The following GALNT13 variants were observed in gnomAD, a reference collection of about 807,000 sequenced individuals.
GALNT13 encodes polypeptide N-acetylgalactosaminyltransferase 13, also known as UDP-GalNAc:polypeptide N-acetylgalactosaminyltransferase 13.
In GALNT13, 28 loss-of-function variants were observed where a neutral mutation model predicts 64.2. The ratio of observed to expected loss-of-function variants is 0.44; its 90% CI spans 0.32 to 0.60. The LOEUF is 0.60. GALNT13 is among the 20% of genes least tolerant of loss of function. GALNT13 has a pLI of 0.05. For missense variants in GALNT13, 577 were observed against 669.8 expected (o/e 0.86, Z 1.53); for synonymous variants, 214 against 224.6 (o/e 0.95, Z 0.42).
the GALNT13 span, chr2:153,478,552 A>G: frequency 8.2e-6 from 13 of 1,587,358 alleles, no homozygotes; most frequent in South Asian, 1.1e-5. Context: ...CTGGTTGCCT[A>G]GGGCCGGATT....
At chr2:153,551,596 T>C in the GALNT13 span, among the ~76,000 whole-genome samples, 2 of 152,214 alleles carry the variant, frequency 1.3e-5, no homozygotes, top group African/African-American at 4.8e-5. Context: ...CTAACAATTC[T>C]TATTGATGAA....
chr2:153,082,351 C>T, the GALNT13 span, among the ~76,000 whole-genome samples: 1 of 151,630 alleles, frequency 6.6e-6, no homozygotes, highest in Non-Finnish European at 1.5e-5. Flanking sequence ...TTATATCACT[C>T]TTATGCCTTT....
chr2:153,591,746 G>A, the GALNT13 span, among the ~76,000 whole-genome samples: 11 of 151,884 alleles, frequency 7.2e-5, no homozygotes, highest in Non-Finnish European at 2.9e-5. Flanking sequence ...TAAACACAGG[G>A]AAAACTCTTC....
At chr2:153,268,225 G>T in the GALNT13 span, among the ~76,000 whole-genome samples, 3,868 of 152,306 alleles carry the variant, frequency 0.025, 163 homozygotes, top group African/African-American at 0.088. Context: ...ATGGTGGGGG[G>T]TGGCACAGGC....
intron 2 of GALNT13, among the ~76,000 whole-genome samples, chr2:153,902,163 G>T (rs567852992): frequency 1.3e-5 from 2 of 151,950 alleles, no homozygotes; most frequent in South Asian, 2.1e-4. Context: ...CATTTTATCT[G>T]GGGACATTTT....
chr2:153,221,507 A>G, the GALNT13 span, among the ~76,000 whole-genome samples: 14 of 152,310 alleles, frequency 9.2e-5, no homozygotes, highest in South Asian at 2.7e-3. Context: ...GAGGGTGATT[A>G]TGTCACAGGA....
At chr2:154,406,142 G>A (rs1699529345) in intron 10 of GALNT13, among the ~76,000 whole-genome samples, 2 of 152,106 alleles carry the variant, frequency 1.3e-5, no homozygotes, top group Admixed American at 6.6e-5. Flanking sequence ...CAGGCCCAAA[G>A]CTTGGCATGT....
At chr2:153,715,886 A>G in the GALNT13 span, among the ~76,000 whole-genome samples, 2 of 148,864 alleles carry the variant, frequency 1.3e-5, no homozygotes, top group Non-Finnish European at 3.0e-5. Flanking sequence ...GTAACCAGCC[A>G]CAATTGCAAA....
chr2:154,117,512 A>G (rs1357248596), intron 3 of GALNT13, among the ~76,000 whole-genome samples: 1 of 152,140 alleles, frequency 6.6e-6, no homozygotes, highest in Non-Finnish European at 1.5e-5. Context: ...GAGTGAGAAC[A>G]TATGATATTT....
chr2:153,630,182 T>A, the GALNT13 span, among the ~76,000 whole-genome samples: 1 of 151,964 alleles, frequency 6.6e-6, no homozygotes, highest in Non-Finnish European at 1.5e-5. Context: ...CATGCTGCTA[T>A]AAAGACACAT....
chr2:153,518,070 A>G, the GALNT13 span, among the ~76,000 whole-genome samples: 1 of 152,186 alleles, frequency 6.6e-6, no homozygotes, highest in African/African-American at 2.4e-5. Context: ...AGCTCAGGAC[A>G]GTCACACATT....
At chr2:153,984,396 T>C (rs1694661484) in intron 3 of GALNT13, among the ~76,000 whole-genome samples, 1 of 151,794 alleles carries the variant, frequency 6.6e-6, no homozygotes, top group East Asian at 1.9e-4. Flanking sequence ...TGTAGTATAC[T>C]AAAGGTATCC....
the GALNT13 span, among the ~76,000 whole-genome samples, chr2:153,463,732 C>A: frequency 2.6e-5 from 4 of 152,040 alleles, no homozygotes; most frequent in Non-Finnish European, 4.4e-5. Context: ...AGTGACCATC[C>A]TTATCTCTGG....
chr2:153,845,954 C>G, the GALNT13 span, among the ~76,000 whole-genome samples: 670 of 152,248 alleles, frequency 4.4e-3, 7 homozygotes, highest in African/African-American at 0.015. Flanking sequence ...GAAATGACAT[C>G]TTTGAAGTTC....
At chr2:153,475,704 A>G in the GALNT13 span, among the ~76,000 whole-genome samples, 1 of 152,272 alleles carries the variant, frequency 6.6e-6, no homozygotes, top group East Asian at 1.9e-4. Flanking sequence ...AGATTTCTAC[A>G]CTCTAGCTGA....
the GALNT13 span, among the ~76,000 whole-genome samples, chr2:153,483,372 A>G: frequency 2.1e-4 from 32 of 151,774 alleles, no homozygotes; most frequent in Non-Finnish European, 4.0e-4. Flanking sequence ...GTATTTACAT[A>G]AATGGAATAT....
chr2:153,199,011 G>A, the GALNT13 span, among the ~76,000 whole-genome samples: 163 of 152,294 alleles, frequency 1.1e-3, no homozygotes, highest in African/African-American at 3.6e-3. Context: ...ATGGCTTTAT[G>A]TGAGCCTTCA....
chr2:153,559,815 T>C, the GALNT13 span, among the ~76,000 whole-genome samples: 10 of 152,154 alleles, frequency 6.6e-5, no homozygotes, highest in African/African-American at 2.4e-4. Flanking sequence ...AGAGGAGTTT[T>C]ATTTGGCTAA....
At chr2:153,090,510 T>C in the GALNT13 span, among the ~76,000 whole-genome samples, 1 of 152,226 alleles carries the variant, frequency 6.6e-6, no homozygotes, top group Non-Finnish European at 1.5e-5. Context: ...TTAGGTGTTG[T>C]CTTCTCCTTC....
Sources: gnomAD v4.1 joint callset for allele counts (sites outside exome capture counted in the v4.1 genomes callset) on GRCh38, gnomAD v4.1.1 for gene constraint, MANE v1.5 for transcripts, NCBI Gene and HGNC (gene_info 2026-07-23, HGNC 2026-07-21) for gene names.